The following ADGRE5 variants were observed in gnomAD, a reference collection of about 807,000 sequenced individuals.
ADGRE5 encodes the protein CD97 molecule.
Under a neutral mutation model 100.3 loss-of-function variants are expected in ADGRE5, and 72 were observed. That is an observed-to-expected ratio of 0.72 (90% CI 0.59 to 0.87). The LOEUF (loss-of-function observed/expected upper bound fraction) is 0.87. ADGRE5 is among the 40% of genes least tolerant of loss of function. ADGRE5 has a pLI of 0.00. For synonymous variants in ADGRE5, 439 were observed against 447.8 expected (o/e 0.98, Z 0.25); for missense variants, 959 against 1,094.7 (o/e 0.88, Z 1.75).
chr19:14,405,975 G>A (rs941640159), intron 14 of ADGRE5, 36 bp downstream of exon 14: 15 of 1,565,636 alleles, frequency 9.6e-6, no homozygotes, highest in Non-Finnish European at 1.2e-5. Context: ...GAGCTCTGGG[G>A]TCAGGGAGGC....
Position 14,406,320 on chromosome 19 carries a change from C to T in ADGRE5, c.1822-11C>T, listed in dbSNP as rs1976233315. 2.6e-6 allele frequency: 4 copies of T among 1,546,606 alleles called. No individual in the cohort carries two copies. The East Asian group carries it at 7.2e-5, about 28-fold the overall frequency. On this transcript the variant is annotated splice_polypyrimidine_tract_variant and intron_variant, in intron 14 of 19. Coordinates refer to ENST00000242786, the MANE Select transcript of ADGRE5 (RefSeq NM_078481.4). This position sits in a 1 kb window ranked among gnomAD's most constrained non-coding sequence, Gnocchi z 6.0. ...CTGACGTCGCTCCGCCCCTCCGTCCCCGCCCCGCAGGTGGGGCTGCGCTGC... is the reference window on the plus strand; with the variant it reads ...CTGACGTCGCTCCGCCCCTCCGTCCTCGCCCCGCAGGTGGGGCTGCGCTGC...
rs1303416936 is a variant in ADGRE5, at chr19:14,406,908, A to G, written c.2155A>G (p.Thr719Ala). The change falls in exon 17 of 20, where the codon ACT (threonine) becomes GCT (alanine). Residue 719 changes from threonine to alanine, a missense_variant. By Grantham distance (58) the Thr-to-Ala change is moderately conservative. This residue lies in a region of ADGRE5 where 428 missense variants were observed against 386.2 expected (regional missense o/e 1.11). Transcript: ENST00000242786. This position sits in a 1 kb window ranked among gnomAD's most constrained non-coding sequence, Gnocchi z 6.0. Reference protein sequence around the residue: ...VIFVTTVWKLTQKFSEINPDM... With the variant: ...VIFVTTVWKLAQKFSEINPDM... ...TTTCGTGACTACCGTCTGGAAGCTC[A>G]CTCAGAAGTTTTCTGAAATCAATCC... 2 of 1,614,138 alleles carry G rather than the reference A, an allele frequency of 1.2e-6. No individual in the cohort carries two copies. Among genetic ancestry groups the G allele is most frequent in the Non-Finnish European group, 1.7e-6 (2 of 1,179,990 alleles).
At chr19:14,389,990 C>T (rs1359435425) in intron 3 of ADGRE5, among the ~76,000 whole-genome samples, 1 of 151,738 alleles carries the variant, frequency 6.6e-6, no homozygotes, top group Non-Finnish European at 1.5e-5. Flanking sequence ...GCAGGAGAAT[C>T]GCTTGAACCC....
At position 14,405,855 on chromosome 19, in the gene ADGRE5, C is replaced by T. The variant is rs764329674; in HGVS notation, c.1737C>T (p.Arg579=). 6.2e-6 allele frequency: 10 copies of T among 1,613,142 alleles called. No individual in the cohort carries two copies. The highest frequency in any genetic ancestry group is 8.5e-6 in the Non-Finnish European group (10 of 1,180,010). Residue 579 remains arginine (R), a synonymous_variant, in exon 14 of 20, where the codon CGC becomes CGT. Coordinates refer to ENST00000242786, the MANE Select transcript of ADGRE5 (RefSeq NM_078481.4). Reference sequence around the variant, plus strand: ...TGGTGCGGCCCATCCAGGGCTCGCGCACCACCATACACCTGCACCTCTGCA... The same window carrying T: ...TGGTGCGGCCCATCCAGGGCTCGCGTACCACCATACACCTGCACCTCTGCA... The part of the protein sequence containing the change: ...FLLVRPIQGS[R]TTIHLHLCIC...
chr19:14,390,872 C>G, intron 3 of ADGRE5, 52 bp from the exon 4 acceptor site: 2 of 1,598,126 alleles, frequency 1.3e-6, no homozygotes, highest in Admixed American at 1.7e-5. Flanking sequence ...GGTCTCTGCC[C>G]TGACAGAACT....
chr19:14,381,550 G>A lies in ADGRE5; in HGVS notation c.22+5G>A. The A allele has an allele frequency of 6.2e-7, 1 of 1,604,108 alleles. No individual in the cohort carries two copies. On this transcript the variant is annotated splice_donor_5th_base_variant and intron_variant, in intron 1 of 19. Coordinates refer to ENST00000242786, the MANE Select transcript of ADGRE5 (RefSeq NM_078481.4). ...TGGGAGGCCGCGTCTTTCTCGGTAA[G>A]TACTTTGGGGCCCCGCTGGGAGGGG...
chr19:14,397,101 A>C lies in ADGRE5; in HGVS notation c.503A>C (p.Gln168Pro), dbSNP rs746260211. 5.0e-6 allele frequency: 8 copies of C among 1,614,016 alleles called. No individual in the cohort carries two copies. The Admixed American group carries it at 1.0e-4, about 20-fold the overall frequency. ...CTDVNECTSG[Q>P]NPCHSSTHCL... ...GATGTGAATGAATGCACCTCCGGAC[A>C]AAACCCGTGCCACAGCTCCACCCAC... Residue 168 changes from glutamine (Q) to proline (P), a missense_variant, in exon 6 of 20, where the codon CAA becomes CCA. Around this residue, in one of 6 missense-constraint regions of ADGRE5, gnomAD observed 83 missense variants for 88.8 expected, o/e 0.93. Coordinates refer to ENST00000242786, the MANE Select transcript of ADGRE5 (RefSeq NM_078481.4).
At position 14,397,094 on chromosome 19, in the gene ADGRE5, T is replaced by A; in HGVS notation, c.496T>A (p.Ser166Thr). The part of the protein sequence containing the change: ...KVCTDVNECT[S>T]GQNPCHSSTH... ...GTCCTCAGATGTGAATGAATGCACCTCCGGACAAAACCCGTGCCACAGCTC... is the reference window on the plus strand; with the variant it reads ...GTCCTCAGATGTGAATGAATGCACCACCGGACAAAACCCGTGCCACAGCTC... Residue 166 changes from serine to threonine, a missense_variant, in exon 6 of 20, where the codon TCC becomes ACC. Transcript: ENST00000242786. 1 of 1,613,924 alleles carries A rather than the reference T, an allele frequency of 6.2e-7. No homozygotes were observed. The highest frequency in any genetic ancestry group is 8.5e-7 in the Non-Finnish European group (1 of 1,180,008).
chr19:14,407,264 TCCTCCCA>T, intron 18 of ADGRE5, 35 bp downstream of exon 18: 1 of 1,610,476 alleles, frequency 6.2e-7, no homozygotes, highest in Non-Finnish European at 8.5e-7. Flanking sequence ...ACGCCTGTCA[TCCTCCCA>T]CCTATTTGGG....
rs767776449 is a variant in ADGRE5 at position 14,381,511 on chromosome 19, G to C, written c.-13G>C. 5.2e-5 allele frequency: 84 copies of C among 1,609,790 alleles called. No homozygotes were observed. Among genetic ancestry groups the C allele is most frequent in the Middle Eastern group, 1.6e-4 (1 of 6,074 alleles). On this transcript the variant is annotated 5_prime_UTR_variant, in exon 1 of 20. Transcript: ENST00000242786. ...CACTCTTTCCCCTGCCGCTCCTGCC[G>C]GCAGCTCCAACCATGGGAGGCCGCG...
chr19:14,392,303 T>C (rs1568310776), intron 4 of ADGRE5, among the ~76,000 whole-genome samples: 2 of 150,028 alleles, frequency 1.3e-5, no homozygotes, highest in Non-Finnish European at 3.0e-5. Context: ...TTTATTTGTT[T>C]TGTTTGTTTG....
rs768917949 is a variant in ADGRE5, at chr19:14,398,072, G to C, written c.830G>C (p.Arg277Pro). The C allele has an allele frequency of 6.2e-7, 1 of 1,613,798 alleles. No individual in the cohort carries two copies. Among genetic ancestry groups the C allele is most frequent in the Non-Finnish European group, 8.5e-7 (1 of 1,179,980 alleles). The change falls in exon 9 of 20, where the codon CGA (arginine) becomes CCA (proline). Residue 277 changes from arginine (R) to proline (P), a missense_variant. By Grantham distance (103) the Arg-to-Pro change is moderately radical. Coordinates refer to ENST00000242786, the MANE Select transcript of ADGRE5 (RefSeq NM_078481.4). Reference sequence around the variant, plus strand: ...CTCCTCTCTCTGCAGACGCTTTCCCGATTCTTCGACAAAGTCCAGGACCTG... The same window carrying C: ...CTCCTCTCTCTGCAGACGCTTTCCCCATTCTTCGACAAAGTCCAGGACCTG... ...PPGVHSQTLS[R>P]FFDKVQDLGR...
chr19:14,384,942 ATC>A (rs1189922782), intron 1 of ADGRE5, among the ~76,000 whole-genome samples: 1 of 92,494 alleles, frequency 1.1e-5, no homozygotes, highest in East Asian at 3.0e-4. Flanking sequence ...CTGTCCCTCT[ATC>A]TCTCTGTCTC....
rs935656472 is a variant in ADGRE5, at chr19:14,408,220, C to T, written c.*99C>T. On this transcript the variant is annotated 3_prime_UTR_variant, in exon 20 of 20. Transcript: ENST00000242786. Reference sequence around the variant, plus strand: ...CCTTCGTCCACCACTCTACTCCCTCCACCCTCCCTCCCTGATCCCGTGTGC... The same window carrying T: ...CCTTCGTCCACCACTCTACTCCCTCTACCCTCCCTCCCTGATCCCGTGTGC... The T allele has an allele frequency of 1.5e-6, 2 of 1,317,850 alleles. No homozygotes were observed. The highest frequency in any genetic ancestry group is 2.2e-6 in the Non-Finnish European group (2 of 930,008). The allele number at this position is 1,317,850 out of a possible 1,614,324, so 81.6% of individuals were successfully genotyped here.
At chr19:14,400,969 C>G (rs1452289139) in intron 9 of ADGRE5, among the ~76,000 whole-genome samples, 1 of 151,288 alleles carries the variant, frequency 6.6e-6, no homozygotes, top group African/African-American at 2.4e-5. Flanking sequence ...AAAAAAATTA[C>G]AAAAATTAGC....
chr19:14,407,174 T>G lies in ADGRE5; in HGVS notation c.2321T>G (p.Leu774Arg). The G allele has an allele frequency of 6.2e-7, 1 of 1,614,130 alleles. No individual in the cohort carries two copies. The highest frequency in any genetic ancestry group is 1.3e-5 in the African/African-American group (1 of 75,046). ...SLVLTYVFTI[L>R]NCLQGAFLYL... ...GTGCTGACCTATGTGTTTACCATCC[T>G]CAACTGCCTGCAGGGCGCCTTCCTC... is the stretch of plus-strand genomic sequence containing the variant. The change falls in exon 18 of 20, where the codon CTC becomes CGC. Residue 774 changes from leucine to arginine, a missense_variant. By Grantham distance (102) the Leu-to-Arg change is moderately radical. Transcript: ENST00000242786.
intron 13 of ADGRE5, 68 bp from the exon 14 acceptor site, chr19:14,405,680 G>A: frequency 1.7e-6 from 2 of 1,201,768 alleles, no homozygotes; most frequent in Non-Finnish European, 2.4e-6. Context: ...GGGGGGAAAA[G>A]GGACCACAAA....
intron 2 of ADGRE5, 33 bp downstream of exon 2, chr19:14,388,533 ACAGC>A: frequency 6.4e-7 from 1 of 1,558,462 alleles, no homozygotes; most frequent in Non-Finnish European, 8.7e-7. Context: ...AGCACAGTCC[ACAGC>A]CAGAGCCTGG....
chr19:14,408,168 C>A lies in ADGRE5; in HGVS notation c.*47C>A. The A allele has an allele frequency of 6.2e-7, 1 of 1,602,612 alleles. No homozygotes were observed. Among genetic ancestry groups the A allele is most frequent in the Non-Finnish European group, 8.5e-7 (1 of 1,172,228 alleles). On this transcript the variant is annotated 3_prime_UTR_variant, in exon 20 of 20. Transcript: ENST00000242786. ...CCAGCAGCTCCTGTGGCCACAGCAG[C>A]TTTGTACACGAAGACCATCCATCCT...
Sources: gnomAD v4.1 joint callset for allele counts (sites outside exome capture counted in the v4.1 genomes callset) on GRCh38, gnomAD v4.1.1 for gene constraint, gnomAD v4.1.1 regional missense constraint, Gnocchi (gnomAD v3.1) non-coding constraint, MANE v1.5 for transcripts, NCBI Gene and HGNC (gene_info 2026-07-23, HGNC 2026-07-21) for gene names.